The following GALNT1 variants were observed in gnomAD, a reference collection of about 807,000 sequenced individuals.
GALNT1 encodes polypeptide N-acetylgalactosaminyltransferase 1.
Under a neutral mutation model 65.7 loss-of-function variants are expected in GALNT1, and 17 were observed. The ratio of observed to expected loss-of-function variants is 0.26; its 90% CI spans 0.18 to 0.39. GALNT1 has a LOEUF of 0.39. GALNT1 is among the 10% of genes least tolerant of loss of function. GALNT1 has a pLI of 1.00. For missense variants in GALNT1, 460 were observed against 672.8 expected (o/e 0.68, Z 3.50); for synonymous variants, 210 against 219.7 (o/e 0.96, Z 0.39).
chr18:35,588,166 A>C (rs1399977669), intron 1 of GALNT1, among the ~76,000 whole-genome samples: 2 of 152,168 alleles, frequency 1.3e-5, no homozygotes, highest in African/African-American at 4.8e-5. Flanking sequence ...TTGTCAAGGC[A>C]TTCTATCAAC....
intron 1 of GALNT1, among the ~76,000 whole-genome samples, chr18:35,603,953 G>C (rs944728460): frequency 6.6e-6 from 1 of 152,112 alleles, no homozygotes. Flanking sequence ...AGGTTCGGGG[G>C]TACATGTGCA....
At chr18:35,658,542 C>A (rs955497576) in intron 2 of GALNT1, among the ~76,000 whole-genome samples, 2 of 152,088 alleles carry the variant, frequency 1.3e-5, no homozygotes, top group African/African-American at 4.8e-5. Context: ...GGTCTTAAGT[C>A]TTTTCAGAGC....
At chr18:35,585,125 C>T (rs1286157661) in intron 1 of GALNT1, among the ~76,000 whole-genome samples, 2 of 152,168 alleles carry the variant, frequency 1.3e-5, no homozygotes, top group African/African-American at 4.8e-5. Context: ...AGGACGGCTT[C>T]TCTGGGTATG....
intron 4 of GALNT1, among the ~76,000 whole-genome samples, chr18:35,678,642 G>A (rs904581839): frequency 6.6e-6 from 1 of 152,050 alleles, no homozygotes; most frequent in Admixed American, 6.6e-5. Flanking sequence ...TCCTGTGTTC[G>A]CATGAGAAAA....
rs112241921 is a variant in GALNT1, at chr18:35,649,252, T to A, written c.-103-5308T>A. ...TTTTTCTTTTTTCTTTTAGCTGTTT[T>A]AATCAGTTCATAGTGGTGTTTCATT... On this transcript the variant is annotated intron_variant, in intron 1 of 11. Transcript: ENST00000269195. Among the ~76,000 whole-genome samples, 970 of 152,340 alleles carry A rather than the reference T, an allele frequency of 6.4e-3. 19 individuals are homozygous for A. Among genetic ancestry groups the A allele is most frequent in the African/African-American group, 0.022 (921 of 41,580 alleles).
intron 1 of GALNT1, among the ~76,000 whole-genome samples, chr18:35,605,681 T>G (rs1238000547): frequency 1.3e-5 from 2 of 152,030 alleles, no homozygotes; most frequent in East Asian, 3.9e-4. Context: ...TATAGAAGTA[T>G]AGAGAATAGT....
intron 7 of GALNT1, among the ~76,000 whole-genome samples, chr18:35,689,855 C>G (rs762273772): frequency 5.9e-5 from 9 of 152,146 alleles, no homozygotes; most frequent in Non-Finnish European, 8.8e-5. Context: ...CATATTTTTG[C>G]AAATAACCAA....
At chr18:35,625,200 C>T (rs998659495) in intron 1 of GALNT1, among the ~76,000 whole-genome samples, 4 of 152,076 alleles carry the variant, frequency 2.6e-5, no homozygotes, top group East Asian at 3.9e-4. Flanking sequence ...CAAAGAGTCC[C>T]GGGGAAAAGA....
chr18:35,598,326 T>A (rs2046533254), intron 1 of GALNT1, among the ~76,000 whole-genome samples: 1 of 152,040 alleles, frequency 6.6e-6, no homozygotes, highest in South Asian at 2.1e-4. Context: ...TGAGCCACTG[T>A]GCCTGGACAA....
chr18:35,625,821 A>G (rs1035352602), intron 1 of GALNT1, among the ~76,000 whole-genome samples: 6 of 152,152 alleles, frequency 3.9e-5, no homozygotes, highest in Non-Finnish European at 8.8e-5. Flanking sequence ...TGAAACTCCA[A>G]CGCAGTGTTC....
chr18:35,700,782 G>A (rs1231117560), intron 9 of GALNT1, among the ~76,000 whole-genome samples: 4 of 151,970 alleles, frequency 2.6e-5, no homozygotes, highest in East Asian at 3.9e-4. Context: ...ACCACGCCCC[G>A]CCAAGAATTG....
At chr18:35,592,708 T>G (rs2143879093) in intron 1 of GALNT1, among the ~76,000 whole-genome samples, 1 of 152,172 alleles carries the variant, frequency 6.6e-6, no homozygotes, top group East Asian at 1.9e-4. Flanking sequence ...GGCATGGAGA[T>G]CAGTTGGGAA....
intron 2 of GALNT1, among the ~76,000 whole-genome samples, chr18:35,661,027 C>T (rs1445580156): frequency 6.6e-6 from 1 of 152,126 alleles, no homozygotes; most frequent in Non-Finnish European, 1.5e-5. Flanking sequence ...ATATGCTGTA[C>T]ATTTTTGCCT....
intron 1 of GALNT1, among the ~76,000 whole-genome samples, chr18:35,617,511 G>A (rs1598785039): frequency 6.6e-6 from 1 of 152,098 alleles, no homozygotes; most frequent in Non-Finnish European, 1.5e-5. Flanking sequence ...ACAGTGAAAC[G>A]AGCCCTCTTA....
chr18:35,655,499 CTTT>C (rs567720187), intron 2 of GALNT1, among the ~76,000 whole-genome samples: 3 of 124,682 alleles, frequency 2.4e-5, no homozygotes, highest in Admixed American at 8.1e-5. Flanking sequence ...TTAAAAAATT[CTTT>C]TTTTTTTTTT....
chr18:35,689,204 A>G lies in GALNT1; in HGVS notation c.892A>G (p.Ile298Val), dbSNP rs756622861. The G allele has an allele frequency of 6.2e-7, 1 of 1,612,834 alleles. No individual in the cohort carries two copies. The highest frequency in any genetic ancestry group is 8.5e-7 in the Non-Finnish European group (1 of 1,179,122). Reference protein sequence around the residue: ...TPTMAGGLFSIDRDYFQEIGT... With the variant: ...TPTMAGGLFSVDRDYFQEIGT... ...TACCATGGCAGGAGGCCTTTTTTCA[A>G]TAGACAGAGATTACTTTCAGGAAAT... Residue 298 changes from isoleucine (I) to valine (V), a missense_variant, in exon 7 of 12, where the codon ATA becomes GTA. By Grantham distance (29) the Ile-to-Val change is conservative (BLOSUM62 3). Transcript: ENST00000269195.
At chr18:35,611,774 T>G (rs1422788460) in intron 1 of GALNT1, among the ~76,000 whole-genome samples, 2 of 152,212 alleles carry the variant, frequency 1.3e-5, no homozygotes, top group Non-Finnish European at 2.9e-5. Context: ...GGTAATACGT[T>G]GTTGTGGTAA....
chr18:35,662,039 C>G (rs2047484672), intron 2 of GALNT1, among the ~76,000 whole-genome samples: 1 of 152,156 alleles, frequency 6.6e-6, no homozygotes, highest in South Asian at 2.1e-4. Context: ...GTACCAATCT[C>G]AAAATCTGTT....
intron 9 of GALNT1, among the ~76,000 whole-genome samples, chr18:35,694,585 A>G (rs1373221745): frequency 6.6e-6 from 1 of 152,244 alleles, no homozygotes; most frequent in Non-Finnish European, 1.5e-5. Context: ...CAGGGTATGT[A>G]TCCAAAGGAA....
Sources: allele counts gnomAD v4.1 joint callset (sites outside exome capture counted in the v4.1 genomes callset), GRCh38; gene constraint gnomAD v4.1.1; transcripts MANE v1.5; gene names NCBI Gene and HGNC (gene_info 2026-07-23, HGNC 2026-07-21).